Variants in SNTA1 observed in about 807,000 individuals in gnomAD.
SNTA1 encodes alpha-1-syntrophin.
In SNTA1, 31 loss-of-function variants were observed where a neutral mutation model predicts 47.1. The observed-to-expected ratio is 0.66, with a 90% CI of 0.49 to 0.89. SNTA1 has a LOEUF of 0.89. SNTA1 is among the 40% of genes least tolerant of loss of function. The probability of loss-of-function intolerance (pLI) is 0.00; values close to 1 mark genes in which losing one functional copy is unlikely to be tolerated. For synonymous variants in SNTA1, 300 were observed against 313.6 expected (o/e 0.96, Z 0.46); for missense variants, 575 against 693.0 (o/e 0.83, Z 1.91).
At position 33,430,292 on chromosome 20, in the gene SNTA1, T is replaced by C. The variant is rs1229071756; in HGVS notation, c.496+8549A>G. Among the ~76,000 whole-genome samples, 32 of 144,498 alleles carry C rather than the reference T, an allele frequency of 2.2e-4. 1 individual carries two copies. Among genetic ancestry groups the C allele is most frequent in the Admixed American group, 1.8e-3 (27 of 14,654 alleles). The allele number at this position is 144,498 out of a possible 152,430, so 94.8% of individuals were successfully genotyped here. The stretch of plus-strand genomic sequence containing the variant: ...TTCATTTTTATTACTTTTTTCTTTT[T>C]TTTTTTTTTTTTTTGAGACGGAGTC... On this transcript the variant is annotated intron_variant, in intron 2 of 7. Transcript: ENST00000217381.
At chr20:33,443,044 C>T (rs1990616312) in intron 1 of SNTA1, among the ~76,000 whole-genome samples, 1 of 151,826 alleles carries the variant, frequency 6.6e-6, no homozygotes, top group Non-Finnish European at 1.5e-5. Context: ...GACCCCCCCG[C>T]CTCCACACAG....
intron 1 of SNTA1, among the ~76,000 whole-genome samples, chr20:33,440,859 C>G (rs534930163): frequency 6.6e-6 from 1 of 152,268 alleles, no homozygotes; most frequent in Admixed American, 6.5e-5. Context: ...CCCACTGATA[C>G]CCCTCAAACC....
intron 2 of SNTA1, among the ~76,000 whole-genome samples, chr20:33,426,172 G>A (rs1990164248): frequency 6.6e-6 from 1 of 152,052 alleles, no homozygotes; most frequent in South Asian, 2.1e-4. Context: ...AGCTGGGCCA[G>A]GCGCAGTGAC....
At chr20:33,420,906 C>G (rs965469641) in intron 2 of SNTA1, among the ~76,000 whole-genome samples, 1 of 151,466 alleles carries the variant, frequency 6.6e-6, no homozygotes, top group African/African-American at 2.4e-5. Flanking sequence ...ATTGCTTGAA[C>G]CCGGGAGGCG....
At chr20:33,436,876 G>A (rs1990452312) in intron 2 of SNTA1, among the ~76,000 whole-genome samples, 1 of 148,924 alleles carries the variant, frequency 6.7e-6, no homozygotes, top group African/African-American at 2.5e-5. Flanking sequence ...TAAGGCAGAA[G>A]AATCGCTTGA....
intron 2 of SNTA1, 88 bp downstream of exon 2, chr20:33,438,753 G>T: frequency 8.9e-7 from 1 of 1,123,416 alleles, no homozygotes; most frequent in Non-Finnish European, 1.4e-6. Context: ...CCAGTGCTGG[G>T]ATGGGGCCTT....
At chr20:33,427,205 T>C (rs1990189943) in intron 2 of SNTA1, among the ~76,000 whole-genome samples, 1 of 152,130 alleles carries the variant, frequency 6.6e-6, no homozygotes, top group African/African-American at 2.4e-5. Context: ...CTGTTCCTAG[T>C]GTGACAGTAT....
intron 2 of SNTA1, among the ~76,000 whole-genome samples, chr20:33,436,109 C>T (rs1448020983): frequency 1.3e-5 from 2 of 152,012 alleles, no homozygotes; most frequent in African/African-American, 2.4e-5. Context: ...AGGAGAATGG[C>T]GTGAACCCGG....
chr20:33,410,406 G>T, intron 5 of SNTA1, 75 bp from the exon 6 acceptor site: 1 of 934,160 alleles, frequency 1.1e-6, no homozygotes, highest in Non-Finnish European at 1.7e-6. Flanking sequence ...AGGGGCCAGT[G>T]ACCTGGGAAG....
intron 2 of SNTA1, among the ~76,000 whole-genome samples, chr20:33,424,857 C>G (rs1161938003): frequency 2.6e-5 from 4 of 151,296 alleles, no homozygotes; most frequent in African/African-American, 4.8e-5. Context: ...TGGCTCGTGC[C>G]TGTAATCCCA....
intron 2 of SNTA1, among the ~76,000 whole-genome samples, chr20:33,422,353 C>T (rs1216009280): frequency 2.0e-5 from 3 of 150,984 alleles, no homozygotes; most frequent in East Asian, 2.0e-4. Flanking sequence ...GCAGGAGAAT[C>T]GCTTGAACCC....
At chr20:33,408,983 A>T (rs1415852352) in intron 6 of SNTA1, 95 bp from the exon 7 acceptor site, 2 of 1,119,558 alleles carry the variant, frequency 1.8e-6, no homozygotes, top group Non-Finnish European at 2.7e-6. Flanking sequence ...GTGGGGCCTG[A>T]ATGCCTCCAG....
rs1989699920 is a variant in SNTA1, at chr20:33,410,043, C to T, written c.1237+92G>A. The stretch of plus-strand genomic sequence containing the variant: ...GACCTCCAAACCCCATTTTCTATCC[C>T]CTCCTGAAGTGCCCTAAAGAAGGAA... On this transcript the variant is annotated intron_variant, in intron 6 of 7. Coordinates refer to ENST00000217381, the MANE Select transcript of SNTA1 (RefSeq NM_003098.3). 2.2e-6 allele frequency: 3 copies of T among 1,342,108 alleles called. No homozygotes were observed. In the African/African-American group the frequency reaches 4.3e-5, roughly 19 times the overall value. 83.1% of individuals were successfully genotyped at this position (1,342,108 alleles called of 1,614,324 possible). A position where few individuals can be genotyped will look rare whatever the true frequency, so the allele number is the denominator to read the frequency against.
At chr20:33,409,003 G>GCTCA in intron 6 of SNTA1, 115 bp from the exon 7 acceptor site, 1 of 928,430 alleles carries the variant, frequency 1.1e-6, no homozygotes, top group Non-Finnish European at 1.8e-6. Context: ...GGGATGGGAG[G>GCTCA]CTCACTGTTT....
At chr20:33,440,626 A>G (rs1248277636) in intron 1 of SNTA1, among the ~76,000 whole-genome samples, 2 of 152,152 alleles carry the variant, frequency 1.3e-5, no homozygotes, top group African/African-American at 4.8e-5. Flanking sequence ...AGCATGGGCG[A>G]CAGAACAAGA....
rs1315932183 is a variant in SNTA1, at chr20:33,443,685, C to CAAGCGCCCAGGGCAGAGG, written c.-83_-66dup. 42 of 1,056,544 alleles carry CAAGCGCCCAGGGCAGAGG rather than the reference C, an allele frequency of 4.0e-5. No individual in the cohort carries two copies. The highest frequency in any genetic ancestry group is 4.9e-5 in the Non-Finnish European group (42 of 854,342). 65.4% of individuals were successfully genotyped at this position (1,056,544 alleles called of 1,614,324 possible). ...CCCGCTTTGCCCAGCCCGCTCCGACCAAGCGCCCAGGGCAGAGGGCAGCGG... is the reference window on the plus strand; with the variant it reads ...CCCGCTTTGCCCAGCCCGCTCCGACCAAGCGCCCAGGGCAGAGGAAGCGCCCAGGGCAGAGGGCAGCGG... On this transcript the variant is annotated 5_prime_UTR_variant, in exon 1 of 8. Coordinates refer to ENST00000217381, the MANE Select transcript of SNTA1 (RefSeq NM_003098.3).
intron 2 of SNTA1, among the ~76,000 whole-genome samples, chr20:33,437,484 C>T (rs918112736): frequency 5.3e-5 from 8 of 151,262 alleles, no homozygotes; most frequent in African/African-American, 1.9e-4. Context: ...ATAGATATAC[C>T]TAAAATATAA....
chr20:33,433,263 C>CTT lies in SNTA1; in HGVS notation c.496+5576_496+5577dup, dbSNP rs1227520975. On this transcript the variant is annotated intron_variant, in intron 2 of 7. Transcript: ENST00000217381. ...ATTTTTTGTTTTTTGTCGGGTTTTT[C>CTT]TTTTTTCTTTTTTTTTTGAGATGGA... Among the ~76,000 whole-genome samples, 25 of 138,804 alleles carry CTT rather than the reference C, an allele frequency of 1.8e-4. 1 individual carries two copies. Among genetic ancestry groups the CTT allele is most frequent in the African/African-American group, 2.4e-4 (9 of 38,204 alleles). 91.1% of individuals were successfully genotyped at this position (138,804 alleles called of 152,430 possible). A position where few individuals can be genotyped will look rare whatever the true frequency, so the allele number is the denominator to read the frequency against.
intron 2 of SNTA1, among the ~76,000 whole-genome samples, chr20:33,418,792 C>CAA (rs760390793): frequency 0.015 from 874 of 57,412 alleles, 81 homozygotes; most frequent in African/African-American, 0.054. Flanking sequence ...GACTCTGTCT[C>CAA]AAAAAAAAAA....
Sources: allele counts gnomAD v4.1 joint callset (sites outside exome capture counted in the v4.1 genomes callset), GRCh38; gene constraint gnomAD v4.1.1; transcripts MANE v1.5; gene names NCBI Gene and HGNC (gene_info 2026-07-23, HGNC 2026-07-21).